Variants in HFM1 observed in about 807,000 individuals in gnomAD.
HFM1 encodes the protein helicase for meiosis 1, also known as probable ATP-dependent DNA helicase HFM1.
Under a neutral mutation model 192.1 loss-of-function variants are expected in HFM1, and 169 were observed. The ratio of observed to expected loss-of-function variants is 0.88; its 90% CI spans 0.78 to 1.00. The LOEUF (loss-of-function observed/expected upper bound fraction) is 1.00, where lower values mean the gene tolerates loss of function less well. HFM1 is among the 50% of genes least tolerant of loss of function. HFM1 has a pLI of 0.00. For synonymous variants in HFM1, 525 were observed against 537.8 expected (o/e 0.98, Z 0.33); for missense variants, 1,661 against 1,668.0 (o/e 1.00, Z 0.07).
chr1:91,326,949 T>A (rs1445427012), intron 20 of HFM1, among the ~76,000 whole-genome samples: 3 of 152,198 alleles, frequency 2.0e-5, no homozygotes, highest in Non-Finnish European at 4.4e-5. Flanking sequence ...TAGGTTATCA[T>A]CAGTGTGAAA....
At chr1:91,359,409 T>G (rs1256602502) in intron 13 of HFM1, among the ~76,000 whole-genome samples, 1 of 152,080 alleles carries the variant, frequency 6.6e-6, no homozygotes, top group African/African-American at 2.4e-5. Flanking sequence ...GAGAGGAACA[T>G]AACTGATCTG....
In HFM1 at chr1:91,394,335, A is replaced by G; in HGVS notation, c.252T>C (p.Ile84=). ...CAAACTGGAATTTTTGTGTTAGTGA[A>G]ATATAATTTGTATCTTCATTAGTTA... is the stretch of plus-strand genomic sequence containing the variant. The part of the protein sequence containing the change: ...LKITNEDTNY[I]SLTQKFQFAF... The change falls in exon 4 of 39, where the codon ATT becomes ATC. Residue 84 remains isoleucine, a synonymous_variant. Coordinates refer to ENST00000370425, the MANE Select transcript of HFM1 (RefSeq NM_001017975.6). 6.3e-7 allele frequency: 1 copy of G among 1,580,848 alleles called. No individual in the cohort carries two copies. Among genetic ancestry groups the G allele is most frequent in the Non-Finnish European group, 8.7e-7 (1 of 1,151,156 alleles).
intron 1 of HFM1, among the ~76,000 whole-genome samples, chr1:91,402,217 G>A (rs540075856): frequency 6.6e-6 from 1 of 152,236 alleles, no homozygotes; most frequent in Admixed American, 6.5e-5. Flanking sequence ...AATCCTCCTT[G>A]ATGTGGGGAT....
At chr1:91,291,665 C>G (rs1248674154) in intron 30 of HFM1, among the ~76,000 whole-genome samples, 1 of 152,034 alleles carries the variant, frequency 6.6e-6, no homozygotes, top group Non-Finnish European at 1.5e-5. Context: ...CTATTCCAAT[C>G]AATAGAAAAA....
intron 20 of HFM1, among the ~76,000 whole-genome samples, chr1:91,336,539 C>T (rs1189138985): frequency 6.6e-6 from 1 of 152,098 alleles, no homozygotes. Flanking sequence ...CACCTATCTT[C>T]AGAAGGTTAA....
intron 30 of HFM1, among the ~76,000 whole-genome samples, chr1:91,291,071 T>C (rs1305269854): frequency 6.6e-6 from 1 of 152,064 alleles, no homozygotes; most frequent in Non-Finnish European, 1.5e-5. Flanking sequence ...GGGAAATTTA[T>C]AGCACTAAAT....
At chr1:91,284,831 A>C (rs1447653140) in intron 30 of HFM1, among the ~76,000 whole-genome samples, 1 of 152,208 alleles carries the variant, frequency 6.6e-6, no homozygotes, top group African/African-American at 2.4e-5. Flanking sequence ...TGGAACTATA[A>C]CCATATGTGA....
chr1:91,313,817 G>A, intron 29 of HFM1, 140 bp downstream of exon 29: 1 of 476,396 alleles, frequency 2.1e-6, no homozygotes, highest in Non-Finnish European at 3.7e-6. Context: ...AACTTCCTTT[G>A]AAGTTTATTC....
chr1:91,356,218 A>G (rs1657709614), intron 13 of HFM1, among the ~76,000 whole-genome samples: 1 of 152,056 alleles, frequency 6.6e-6, no homozygotes, highest in African/African-American at 2.4e-5. Flanking sequence ...AACCTATGAG[A>G]TGCAGCAAAA....
At chr1:91,404,197 G>C (rs1164121996) in intron 1 of HFM1, among the ~76,000 whole-genome samples, 2 of 152,192 alleles carry the variant, frequency 1.3e-5, no homozygotes, top group Non-Finnish European at 2.9e-5. Context: ...CCTCTCCCCA[G>C]GCACCAACAG....
At chr1:91,376,853 G>GA (rs1660968677) in intron 11 of HFM1, among the ~76,000 whole-genome samples, 3 of 151,868 alleles carry the variant, frequency 2.0e-5, no homozygotes, top group African/African-American at 7.2e-5. Context: ...AACATTTATT[G>GA]AAAGAAGCAC....
At chr1:91,380,324 T>A in intron 7 of HFM1, 88 bp from the exon 8 acceptor site, 1 of 807,766 alleles carries the variant, frequency 1.2e-6, no homozygotes, top group Non-Finnish European at 1.8e-6. Flanking sequence ...TTAGTAAGAA[T>A]CTAAGGAATA....
At chr1:91,402,709 AG>A (rs1271789623) in intron 1 of HFM1, among the ~76,000 whole-genome samples, 1 of 152,126 alleles carries the variant, frequency 6.6e-6, no homozygotes, top group Non-Finnish European at 1.5e-5. Context: ...TTCCCTTTCT[AG>A]TTTTAGGAAA....
intron 13 of HFM1, among the ~76,000 whole-genome samples, chr1:91,361,020 T>A (rs282052): frequency 1 from 152,090 of 152,272 alleles, 75,954 homozygotes; most frequent in Non-Finnish European, 1. Flanking sequence ...ACAATGTACC[T>A]GAATCTCTGG....
Position 91,279,015 on chromosome 1 carries a change from C to CA in HFM1, c.3392-1954dup, listed in dbSNP as rs896735549. 3.1e-3 allele frequency among the ~76,000 whole-genome samples: 453 copies of CA among 148,046 alleles called. 1 individual carries two copies. The highest frequency in any genetic ancestry group is 9.4e-3 in the African/African-American group (381 of 40,388). ...ACTATTTTTTAAATCCTCTCACTTC[C>CA]AAAAAAAAAATGTACCAAAATATCC... On this transcript the variant is annotated intron_variant, in intron 30 of 38. Transcript: ENST00000370425.
chr1:91,363,428 A>G (rs1001277431), intron 13 of HFM1, among the ~76,000 whole-genome samples: 13 of 152,080 alleles, frequency 8.5e-5, no homozygotes, highest in African/African-American at 2.9e-4. Flanking sequence ...AATATTATGA[A>G]AAAAAGCTCA....
At chr1:91,342,672 G>C (rs1477445129) in intron 20 of HFM1, among the ~76,000 whole-genome samples, 3 of 152,148 alleles carry the variant, frequency 2.0e-5, no homozygotes, top group Non-Finnish European at 4.4e-5. Flanking sequence ...AAAGTTGTAT[G>C]CTTTTCTCTT....
At chr1:91,374,573 G>C (rs915518253) in intron 13 of HFM1, among the ~76,000 whole-genome samples, 1 of 152,096 alleles carries the variant, frequency 6.6e-6, no homozygotes, top group African/African-American at 2.4e-5. Flanking sequence ...GGGGTATAAG[G>C]TGAAGAAGAT....
At chr1:91,294,550 C>A (rs1486538134) in intron 30 of HFM1, among the ~76,000 whole-genome samples, 1 of 152,178 alleles carries the variant, frequency 6.6e-6, no homozygotes, top group Non-Finnish European at 1.5e-5. Context: ...TTGGAATACA[C>A]CCATGTCTAT....
Sources: gnomAD v4.1 joint callset for allele counts (sites outside exome capture counted in the v4.1 genomes callset) on GRCh38, gnomAD v4.1.1 for gene constraint, MANE v1.5 for transcripts, NCBI Gene and HGNC (gene_info 2026-07-23, HGNC 2026-07-21) for gene names.